The following CNIH3 variants were observed in gnomAD, a reference collection of about 807,000 sequenced individuals.
CNIH3 encodes the protein protein cornichon homolog 3.
Under a neutral mutation model 24.1 loss-of-function variants are expected in CNIH3, and 14 were observed. The observed-to-expected ratio is 0.58, with a 90% CI of 0.38 to 0.91. CNIH3 has a LOEUF of 0.91. Among genes scored for constraint, CNIH3 ranks in the 40% least tolerant of loss-of-function variants. CNIH3 has a pLI of 0.00. For missense variants in CNIH3, 178 were observed against 196.8 expected (o/e 0.90, Z 0.57); for synonymous variants, 68 against 73.8 (o/e 0.92, Z 0.40).
chr1:224,506,164 A>C (rs1677899762), intron 1 of CNIH3, among the ~76,000 whole-genome samples: 1 of 152,210 alleles, frequency 6.6e-6, no homozygotes, highest in Non-Finnish European at 1.5e-5. Context: ...TTTGTAACAA[A>C]GGCAGCTGAG....
intron 1 of CNIH3, among the ~76,000 whole-genome samples, chr1:224,644,384 T>C (rs1269926383): frequency 1.3e-5 from 2 of 151,366 alleles, no homozygotes; most frequent in Non-Finnish European, 1.5e-5. Context: ...CTAATTTTTG[T>C]ATTTTTTGTA....
intron 1 of CNIH3, among the ~76,000 whole-genome samples, chr1:224,487,736 T>G (rs943443687): frequency 3.9e-5 from 6 of 152,226 alleles, no homozygotes; most frequent in African/African-American, 1.4e-4. Context: ...CCTGTAACTA[T>G]GGCCTACTGA....
chr1:224,667,838 G>A (rs1407257141), intron 1 of CNIH3, among the ~76,000 whole-genome samples: 2 of 152,054 alleles, frequency 1.3e-5, no homozygotes, highest in East Asian at 3.9e-4. Flanking sequence ...AAGGTGACAT[G>A]CATTAGGGTT....
intron 1 of CNIH3, among the ~76,000 whole-genome samples, chr1:224,635,290 C>T (rs1188629276): frequency 6.6e-6 from 1 of 152,158 alleles, no homozygotes; most frequent in Non-Finnish European, 1.5e-5. Flanking sequence ...CCAGGCCCCT[C>T]CCACGACACT....
intron 1 of CNIH3, chr1:224,661,718 A>G (rs1044137143): frequency 1.5e-5 from 3 of 198,030 alleles, no homozygotes; most frequent in Non-Finnish European, 3.2e-5. Context: ...ATTTTCTAGC[A>G]TCTGACAGCA....
chr1:224,507,057 G>C (rs1169174494), intron 1 of CNIH3, among the ~76,000 whole-genome samples: 1 of 152,032 alleles, frequency 6.6e-6, no homozygotes, highest in East Asian at 1.9e-4. Flanking sequence ...TAGAGACGGG[G>C]TTTCACCGTG....
intron 1 of CNIH3, among the ~76,000 whole-genome samples, chr1:224,634,133 G>A (rs1683965134): frequency 6.6e-6 from 1 of 152,184 alleles, no homozygotes; most frequent in Non-Finnish European, 1.5e-5. Context: ...TCATGAAAAC[G>A]TCCCCTGGCC....
rs1204192025 is a variant in CNIH3 at position 224,645,679 on chromosome 1, T to G, written c.81+28424T>G. Reference sequence around the variant, plus strand: ...CTATGGCAGCAGGTGCAGCACTCATTGTGGCCAGCGGATATTCACATCTGT... The same window carrying G: ...CTATGGCAGCAGGTGCAGCACTCATGGTGGCCAGCGGATATTCACATCTGT... On this transcript the variant is annotated intron_variant, in intron 1 of 5. Transcript: ENST00000272133. Among the ~76,000 whole-genome samples, 12 of 152,334 alleles carry G rather than the reference T, an allele frequency of 7.9e-5. No homozygotes were observed. The East Asian group carries it at 1.9e-3, about 25-fold the overall frequency.
chr1:224,575,425 A>G, intron 4 of CNIH3: 2 of 948,908 alleles, frequency 2.1e-6, no homozygotes, highest in Admixed American at 2.0e-5. Flanking sequence ...AGTGACCTAT[A>G]CCGTGTTTTC....
At chr1:224,679,167 A>C (rs892292068) in intron 1 of CNIH3, among the ~76,000 whole-genome samples, 1 of 152,112 alleles carries the variant, frequency 6.6e-6, no homozygotes, top group African/African-American at 2.4e-5. Context: ...AAAATATAAA[A>C]ATTTTTTTTT....
chr1:224,442,499 A>G (rs548397086), intron 1 of CNIH3, among the ~76,000 whole-genome samples: 86 of 152,168 alleles, frequency 5.7e-4, no homozygotes, highest in Non-Finnish European at 1.0e-3. Context: ...TGTCAACAAC[A>G]CTGTTCTTTT....
intron 1 of CNIH3, among the ~76,000 whole-genome samples, chr1:224,501,779 C>T (rs1677682662): frequency 6.6e-6 from 1 of 152,048 alleles, no homozygotes. Context: ...CGGGGTTTTA[C>T]TGTGTTGCCC....
At chr1:224,656,019 G>A (rs1037140661) in intron 1 of CNIH3, among the ~76,000 whole-genome samples, 1 of 152,120 alleles carries the variant, frequency 6.6e-6, no homozygotes, top group South Asian at 2.1e-4. Flanking sequence ...GTTAAGACCC[G>A]GGAGTGTCAA....
At chr1:224,486,517 A>G (rs1349491259) in intron 1 of CNIH3, among the ~76,000 whole-genome samples, 1 of 152,210 alleles carries the variant, frequency 6.6e-6, no homozygotes, top group Non-Finnish European at 1.5e-5. Flanking sequence ...TATTCCTTGA[A>G]TGTAATCACT....
chr1:224,669,942 T>C (rs1336107451), intron 1 of CNIH3, among the ~76,000 whole-genome samples: 2 of 152,036 alleles, frequency 1.3e-5, no homozygotes, highest in Non-Finnish European at 1.5e-5. Context: ...TTTTACACAA[T>C]GGCATTCCCC....
rs116158654 is a variant in CNIH3 at position 224,712,311 on chromosome 1, C to T, written c.199-18151C>T. 5.1e-4 allele frequency among the ~76,000 whole-genome samples: 78 copies of T among 152,272 alleles called. 1 individual carries two copies. The highest frequency in any genetic ancestry group is 1.8e-3 in the African/African-American group (73 of 41,540). The stretch of plus-strand genomic sequence containing the variant: ...GAATTTGCATTTTTATTAATATCTA[C>T]GAAGGGATTCTGATGTGCAATGGTT... On this transcript the variant is annotated intron_variant, in intron 3 of 5. Transcript: ENST00000272133.
chr1:224,719,543 G>T (rs1025696117), intron 3 of CNIH3, among the ~76,000 whole-genome samples: 1 of 152,136 alleles, frequency 6.6e-6, no homozygotes, highest in African/African-American at 2.4e-5. Flanking sequence ...CCTCTTACAG[G>T]TAATAGTTAT....
chr1:224,605,769 C>T (rs865896462), intron 3 of CNIH3, among the ~76,000 whole-genome samples: 3 of 152,062 alleles, frequency 2.0e-5, no homozygotes, highest in South Asian at 4.2e-4. Context: ...TCCCTATGAT[C>T]GCCTCCCCTA....
chr1:224,739,277 C>G, intron 5 of CNIH3, 52 bp from the exon 6 acceptor site: 1 of 1,545,454 alleles, frequency 6.5e-7, no homozygotes, highest in Non-Finnish European at 8.7e-7. Flanking sequence ...CTGTGGGCTT[C>G]TACTAACACC....
Sources: gnomAD v4.1 joint callset for allele counts (sites outside exome capture counted in the v4.1 genomes callset) on GRCh38, gnomAD v4.1.1 for gene constraint, MANE v1.5 for transcripts, NCBI Gene and HGNC (gene_info 2026-07-23, HGNC 2026-07-21) for gene names.